SLC25A28: variants seen among roughly 807,000 people sequenced by gnomAD.
The protein encoded by SLC25A28 is mitoferrin-2.
A neutral mutation model predicts 31.9 loss-of-function variants in SLC25A28; 10 were observed. That is an observed-to-expected ratio of 0.31 (90% confidence interval 0.19 to 0.53). SLC25A28 has a LOEUF of 0.53. Among genes scored for constraint, SLC25A28 ranks in the 20% least tolerant of loss-of-function variants. The pLI is 0.95. For missense variants in SLC25A28, 256 were observed against 490.3 expected, an observed-to-expected ratio of 0.52 and a Z score of 4.51; for synonymous variants, 208 against 203.6, an observed-to-expected ratio of 1.02 and a Z score of -0.19.
chr10:99,630,941 G>T, the SLC25A28 span, among the ~76,000 whole-genome samples: 1 of 152,184 alleles, frequency 6.6e-6, no homozygotes, highest in Non-Finnish European at 1.5e-5. Context: ...TTAAAGATAA[G>T]AAGAGTTAAT....
chr10:99,646,557 A>G, the SLC25A28 span, among the ~76,000 whole-genome samples: 1 of 152,058 alleles, frequency 6.6e-6, no homozygotes. Context: ...CATGGGCTGC[A>G]CCCACTGTCT....
At position 99,616,378 on chromosome 10, in the gene SLC25A28, GAGATA is replaced by G. The variant is rs898284184; in HGVS notation, c.292-2459_292-2455del. On this transcript the variant is annotated intron_variant, in intron 1 of 3. Transcript: ENST00000370495. ...CACAGGGCTGTTGTGGGGATTAAAA[GAGATA>G]AGATATGTAAAAGCCATTGGTAATT... 4 of 845,860 alleles carry G rather than the reference GAGATA, an allele frequency of 4.7e-6. No homozygotes were observed. The African/African-American group carries it at 7.4e-5, about 16-fold the overall frequency. The allele number at this position is 845,860 out of a possible 1,614,324, so 52.4% of individuals were successfully genotyped here.
At chr10:99,619,490 G>T in intron 1 of SLC25A28, 2 of 870,072 alleles carry the variant, frequency 2.3e-6, no homozygotes, top group Non-Finnish European at 2.8e-6. Flanking sequence ...TTCCAGTCTG[G>T]AATTCTGCAT....
At chr10:99,622,344 A>T (rs76328622), upstream of SLC25A28, among the ~76,000 whole-genome samples, 3 of 152,118 alleles carry the variant, frequency 2.0e-5, no homozygotes, top group Admixed American at 2.0e-4. Context: ...AAATTTTTTT[A>T]AAAGGAACTT....
Position 99,611,413 on chromosome 10 carries a change from G to A in SLC25A28, c.578-47C>T, listed in dbSNP as rs77049717. On this transcript the variant is annotated intron_variant, in intron 3 of 3. Transcript: ENST00000370495. The surrounding 1 kb of genome is among the most constrained non-coding windows in gnomAD (Gnocchi z 5.5). Reference sequence around the variant, plus strand: ...AAGGAAATGGTGACAGCAGCCAACCGGTGATGGAGAGTATCCAGATTCAGA... The same window carrying A: ...AAGGAAATGGTGACAGCAGCCAACCAGTGATGGAGAGTATCCAGATTCAGA... 7.2e-5 allele frequency: 115 copies of A among 1,598,164 alleles called. No homozygotes were observed. The highest frequency in any genetic ancestry group is 6.1e-4 in the African/African-American group (46 of 74,800).
upstream of SLC25A28, among the ~76,000 whole-genome samples, chr10:99,623,338 C>T (rs1256150036): frequency 6.6e-6 from 1 of 152,152 alleles, no homozygotes; most frequent in Non-Finnish European, 1.5e-5. Flanking sequence ...GTGTCCATTC[C>T]AAGCTCAGCC....
At chr10:99,624,953 G>A (rs1180969416), upstream of SLC25A28, among the ~76,000 whole-genome samples, 1 of 152,064 alleles carries the variant, frequency 6.6e-6, no homozygotes, top group African/African-American at 2.4e-5. Context: ...TCCAGTGTCT[G>A]GAATTTATTC....
chr10:99,618,879 C>T (rs1330899736), intron 1 of SLC25A28: 6 of 985,308 alleles, frequency 6.1e-6, no homozygotes, highest in Non-Finnish European at 7.2e-6. Flanking sequence ...TTCTCTCCTC[C>T]TTTTGAATAC....
chr10:99,653,765 TC>T, the SLC25A28 span: 1 of 152,188 alleles, frequency 6.6e-6, no homozygotes, highest in Non-Finnish European at 1.5e-5. Flanking sequence ...GTCTTCTTGG[TC>T]TAAACATCTC....
the SLC25A28 span, among the ~76,000 whole-genome samples, chr10:99,640,932 A>G: frequency 6.6e-6 from 1 of 152,202 alleles, no homozygotes; most frequent in African/African-American, 2.4e-5. Context: ...TCCATGGTGT[A>G]TATGAGCCAC....
chr10:99,639,572 G>A, the SLC25A28 span, among the ~76,000 whole-genome samples: 8 of 151,902 alleles, frequency 5.3e-5, no homozygotes, highest in Non-Finnish European at 1.2e-4. Flanking sequence ...CCCTGGAGAG[G>A]ACCAAGCTTG....
chr10:99,617,898 C>A, intron 1 of SLC25A28: 3 of 534,140 alleles, frequency 5.6e-6, no homozygotes, highest in Non-Finnish European at 7.2e-6. Flanking sequence ...CCTTGGAAGG[C>A]TACAATTGAC....
the SLC25A28 span, among the ~76,000 whole-genome samples, chr10:99,632,067 T>C: frequency 6.7e-6 from 1 of 150,258 alleles, no homozygotes; most frequent in Non-Finnish European, 1.5e-5. Flanking sequence ...CGGCTAATTT[T>C]TTGTATTTTT....
chr10:99,620,950 G>C (rs1277248850), upstream of SLC25A28: 2 of 957,470 alleles, frequency 2.1e-6, no homozygotes, highest in Admixed American at 7.1e-5. Flanking sequence ...TACGACCCGC[G>C]CTCCCGTGCG....
At chr10:99,652,095 C>G in the SLC25A28 span, 1 of 152,052 alleles carries the variant, frequency 6.6e-6, no homozygotes, top group African/African-American at 2.4e-5. Context: ...TTTTTTTTGT[C>G]ACTGTCAGTT....
At chr10:99,629,016 C>T in the SLC25A28 span, among the ~76,000 whole-genome samples, 2 of 152,138 alleles carry the variant, frequency 1.3e-5, no homozygotes, top group Admixed American at 1.3e-4. Flanking sequence ...CCAGCAATTC[C>T]ACTCCTAGGT....
At chr10:99,625,711 T>C in the SLC25A28 span, among the ~76,000 whole-genome samples, 13 of 152,180 alleles carry the variant, frequency 8.5e-5, no homozygotes, top group African/African-American at 2.9e-4. Flanking sequence ...TTCTAGTTAG[T>C]GGGATGTGAG....
chr10:99,651,565 G>A, the SLC25A28 span, among the ~76,000 whole-genome samples: 2 of 147,222 alleles, frequency 1.4e-5, no homozygotes, highest in East Asian at 4.0e-4. Context: ...GTTTTGAAGA[G>A]GAGTAGATCT....
chr10:99,610,770 T>A lies in SLC25A28; in HGVS notation c.*79A>T. On this transcript the variant is annotated 3_prime_UTR_variant, in exon 4 of 4. Transcript: ENST00000370495. ...ACCTTCCTTCTAACTCCACTTGAGG[T>A]GGGAGCATTCCAGGAGACAGAGAAT... The A allele has an allele frequency of 1.3e-6, 2 of 1,525,156 alleles. No individual in the cohort carries two copies. The highest frequency in any genetic ancestry group is 1.8e-6 in the Non-Finnish European group (2 of 1,126,864). 94.5% of individuals were successfully genotyped at this position (1,525,156 alleles called of 1,614,324 possible). A position where few individuals can be genotyped will look rare whatever the true frequency, so the allele number is the denominator to read the frequency against.
Sources: allele counts gnomAD v4.1 joint callset (sites outside exome capture counted in the v4.1 genomes callset), GRCh38; gene constraint gnomAD v4.1.1; non-coding constraint Gnocchi (gnomAD v3.1); transcripts MANE v1.5; gene names NCBI Gene and HGNC (gene_info 2026-07-23, HGNC 2026-07-21).